The following ABLIM3 variants were observed in gnomAD, a reference collection of about 807,000 sequenced individuals.
ABLIM3 encodes actin binding LIM protein family member 3.
In ABLIM3, 61 loss-of-function variants were observed where a neutral mutation model predicts 109.5. The ratio of observed to expected loss-of-function variants is 0.56; its 90% CI spans 0.45 to 0.69. The LOEUF (loss-of-function observed/expected upper bound fraction) is 0.69. Ranked by LOEUF, ABLIM3 falls within the 30% of genes least tolerant of loss-of-function variation. The probability of loss-of-function intolerance (pLI) is 0.00; values close to 1 mark genes in which losing one functional copy is unlikely to be tolerated. For synonymous variants in ABLIM3, 300 were observed against 324.8 expected, an observed-to-expected ratio of 0.92 and a Z score of 0.82; for missense variants, 796 against 889.5, an observed-to-expected ratio of 0.89 and a Z score of 1.34.
chr5:149,242,106 C>T (rs770537114), intron 14 of ABLIM3, among the ~76,000 whole-genome samples: 4 of 152,118 alleles, frequency 2.6e-5, no homozygotes, highest in South Asian at 2.1e-4. Flanking sequence ...AGCTGAAATT[C>T]GGCTGCAGCA....
chr5:149,243,121 T>G (rs561533958), intron 15 of ABLIM3, among the ~76,000 whole-genome samples: 2 of 152,302 alleles, frequency 1.3e-5, no homozygotes, highest in South Asian at 4.1e-4. Flanking sequence ...TGATTTAGTG[T>G]TTCTTAAAGA....
chr5:149,233,395 C>A, intron 10 of ABLIM3, 95 bp downstream of exon 10: 2 of 1,292,304 alleles, frequency 1.5e-6, no homozygotes, highest in South Asian at 1.2e-5. Flanking sequence ...AAGTTTTCAT[C>A]CAGCTGACAT....
At chr5:149,216,843 T>C (rs541196807) in intron 7 of ABLIM3, 116 bp from the exon 8 acceptor site, 4 of 916,360 alleles carry the variant, frequency 4.4e-6, no homozygotes, top group African/African-American at 3.3e-5. Context: ...CAACCAACTT[T>C]AGGGCCATGA....
intron 2 of ABLIM3, among the ~76,000 whole-genome samples, chr5:149,166,820 T>C (rs1191691982): frequency 6.6e-6 from 1 of 152,234 alleles, no homozygotes; most frequent in Non-Finnish European, 1.5e-5. Context: ...AACTCCACTA[T>C]TGTAGCCTGA....
At chr5:149,242,465 C>T in intron 14 of ABLIM3, 26 bp from the exon 15 acceptor site, 1 of 1,613,024 alleles carries the variant, frequency 6.2e-7, no homozygotes, top group Non-Finnish European at 8.5e-7. Flanking sequence ...CCCCTCCCCA[C>T]TGTCCCTTCC....
chr5:149,250,738 G>A (rs550897050), intron 20 of ABLIM3, among the ~76,000 whole-genome samples: 104 of 152,316 alleles, frequency 6.8e-4, no homozygotes, highest in African/African-American at 2.5e-3. Flanking sequence ...ATAACCCTGT[G>A]CCAGGGACTC....
chr5:149,239,902 A>T lies in ABLIM3; in HGVS notation c.1204+14A>T. The stretch of plus-strand genomic sequence containing the variant: ...ACTACCGCTCTGGTAAGGAAGGGGG[A>T]GGACCTGAAGGGAGAGGAAGAGCCA... On this transcript the variant is annotated intron_variant, in intron 13 of 23. Coordinates refer to ENST00000309868, the MANE Select transcript of ABLIM3 (RefSeq NM_014945.5). 6.3e-7 allele frequency: 1 copy of T among 1,593,588 alleles called. No homozygotes were observed. The highest frequency in any genetic ancestry group is 8.5e-7 in the Non-Finnish European group (1 of 1,170,090).
chr5:149,239,346 C>T, intron 12 of ABLIM3, 69 bp downstream of exon 12: 5 of 1,547,104 alleles, frequency 3.2e-6, no homozygotes, highest in South Asian at 1.1e-5. Context: ...CACCCATCCC[C>T]AGCCCCCCGA....
chr5:149,194,768 A>G (rs1175877531), intron 3 of ABLIM3, among the ~76,000 whole-genome samples: 1 of 152,194 alleles, frequency 6.6e-6, no homozygotes, highest in East Asian at 1.9e-4. Context: ...AGGTGGTAAG[A>G]CTATAAAGTA....
intron 2 of ABLIM3, among the ~76,000 whole-genome samples, chr5:149,150,333 T>A (rs1024154860): frequency 6.6e-6 from 1 of 152,176 alleles, no homozygotes; most frequent in African/African-American, 2.4e-5. Context: ...CTCTAGAAAT[T>A]CTACATCTGC....
At chr5:149,223,164 G>A (rs1760831210) in intron 8 of ABLIM3, among the ~76,000 whole-genome samples, 1 of 151,814 alleles carries the variant, frequency 6.6e-6, no homozygotes, top group South Asian at 2.1e-4. Flanking sequence ...CAAGCATCTT[G>A]AATCATATAG....
Position 149,258,504 on chromosome 5 carries a change from G to C in ABLIM3, c.*100G>C. 1.4e-6 allele frequency: 2 copies of C among 1,419,144 alleles called. No individual in the cohort carries two copies. Among genetic ancestry groups the C allele is most frequent in the Non-Finnish European group, 1.8e-6 (2 of 1,091,200 alleles). The allele number at this position is 1,419,144 out of a possible 1,614,324, so 87.9% of individuals were successfully genotyped here. A position where few individuals can be genotyped will look rare whatever the true frequency, so the allele number is the denominator to read the frequency against. ...CCTCTCTTGTGTAATGGGACACACT[G>C]CCTGCCATGAGACTTGCTTTTCTGT... is the stretch of plus-strand genomic sequence containing the variant. On this transcript the variant is annotated 3_prime_UTR_variant, in exon 24 of 24. Coordinates refer to ENST00000309868, the MANE Select transcript of ABLIM3 (RefSeq NM_014945.5).
chr5:149,254,260 T>G (rs917500872), intron 23 of ABLIM3, among the ~76,000 whole-genome samples: 2 of 152,022 alleles, frequency 1.3e-5, no homozygotes, highest in Non-Finnish European at 2.9e-5. Flanking sequence ...CCCCAAAGCC[T>G]CCTCCAACCC....
intron 8 of ABLIM3, among the ~76,000 whole-genome samples, chr5:149,224,490 C>G (rs1288779475): frequency 6.6e-6 from 1 of 152,204 alleles, no homozygotes; most frequent in African/African-American, 2.4e-5. Flanking sequence ...TGGGCACAAG[C>G]CCAACCTCCC....
At chr5:149,199,819 C>A (rs1190285792) in intron 4 of ABLIM3, among the ~76,000 whole-genome samples, 2 of 152,122 alleles carry the variant, frequency 1.3e-5, no homozygotes, top group African/African-American at 4.8e-5. Flanking sequence ...TTTGAGACTC[C>A]CCAGCTGTGG....
intron 2 of ABLIM3, among the ~76,000 whole-genome samples, chr5:149,164,600 C>T (rs1229102824): frequency 2.0e-5 from 3 of 152,140 alleles, no homozygotes; most frequent in Non-Finnish European, 4.4e-5. Flanking sequence ...TATAACAAGA[C>T]ATCCAAGGAT....
intron 2 of ABLIM3, among the ~76,000 whole-genome samples, chr5:149,143,415 A>G (rs1752662418): frequency 6.6e-6 from 1 of 151,792 alleles, no homozygotes; most frequent in Non-Finnish European, 1.5e-5. Context: ...AAGAATCTAC[A>G]CTTTTTTTCT....
At chr5:149,245,075 G>A in intron 16 of ABLIM3, 60 bp downstream of exon 16, 1 of 1,601,512 alleles carries the variant, frequency 6.2e-7, no homozygotes, top group Non-Finnish European at 8.5e-7. Context: ...GGACACGGGT[G>A]TTCAGAACAG....
chr5:149,225,447 A>G (rs982913919), intron 8 of ABLIM3, among the ~76,000 whole-genome samples: 1 of 152,214 alleles, frequency 6.6e-6, no homozygotes, highest in African/African-American at 2.4e-5. Context: ...CCCTGAGAAT[A>G]ATGCTTTCTA....
Sources: gnomAD v4.1 joint callset for allele counts (sites outside exome capture counted in the v4.1 genomes callset) on GRCh38, gnomAD v4.1.1 for gene constraint, MANE v1.5 for transcripts, NCBI Gene and HGNC (gene_info 2026-07-23, HGNC 2026-07-21) for gene names.